UGT1A10: variants seen among roughly 807,000 people sequenced by gnomAD.
The protein encoded by UGT1A10 is UDP-glucuronosyltransferase 1A10.
A neutral mutation model predicts 45.8 loss-of-function variants in UGT1A10; 49 were observed. That is an observed-to-expected ratio of 1.07 (90% confidence interval 0.85 to 1.36). UGT1A10 has a LOEUF of 1.36. Ranked by LOEUF, UGT1A10 falls within the 40% of genes most tolerant of loss-of-function variation. UGT1A10 has a pLI of 0.00. For missense variants in UGT1A10, 745 were observed against 668.6 expected (o/e 1.11, Z -1.26); for synonymous variants, 284 against 249.7 (o/e 1.14, Z -1.29).
intron 1 of UGT1A10, among the ~76,000 whole-genome samples, chr2:233,683,661 A>G (rs956582405): frequency 3.3e-5 from 5 of 152,054 alleles, no homozygotes; most frequent in Admixed American, 1.3e-4. Context: ...AAAGTATTTC[A>G]TCTTTCTTAT....
Position 233,769,430 on chromosome 2 carries a change from C to A in UGT1A10, c.1295+991C>A. On this transcript the variant is annotated intron_variant, in intron 4 of 4. Transcript: ENST00000344644. This position sits in a 1 kb window ranked among gnomAD's most constrained non-coding sequence, Gnocchi z 4.4. ...GTGTGCGTTTGTGCATGTGGCTGTG[C>A]TCATGTGTGGGTGCACACGTGTGCA... 1 of 1,537,408 alleles carries A rather than the reference C, an allele frequency of 6.5e-7. No individual in the cohort carries two copies. Among genetic ancestry groups the A allele is most frequent in the Non-Finnish European group, 8.9e-7 (1 of 1,118,580 alleles).
chr2:233,673,935 G>A (rs1028296216), intron 1 of UGT1A10, among the ~76,000 whole-genome samples: 1 of 152,122 alleles, frequency 6.6e-6, no homozygotes, highest in African/African-American at 2.4e-5. Context: ...AAGCACTATT[G>A]AGTAATATTG....
At chr2:233,663,435 C>T (rs2074013734) in intron 1 of UGT1A10, among the ~76,000 whole-genome samples, 1 of 151,878 alleles carries the variant, frequency 6.6e-6, no homozygotes, top group African/African-American at 2.4e-5. Context: ...TGAATCAGTT[C>T]CTGGGTGGGG....
chr2:233,647,986 A>G (rs1439596581), intron 1 of UGT1A10: 2 of 1,607,674 alleles, frequency 1.2e-6, no homozygotes, highest in Non-Finnish European at 1.7e-6. Context: ...ACTCATTCTC[A>G]GGGGGCATGA....
At chr2:233,696,995 T>G (rs1443377070) in intron 1 of UGT1A10, among the ~76,000 whole-genome samples, 1 of 152,182 alleles carries the variant, frequency 6.6e-6, no homozygotes, top group Non-Finnish European at 1.5e-5. Flanking sequence ...TTCGTTGAGA[T>G]TTTTGCATCT....
At chr2:233,729,993 G>C in intron 1 of UGT1A10, 4 of 1,613,886 alleles carry the variant, frequency 2.5e-6, no homozygotes, top group Non-Finnish European at 3.4e-6. Context: ...CACTATCTCA[G>C]GTCTGTATTG....
chr2:233,760,162 T>C (rs967006180), intron 1 of UGT1A10: 7 of 1,514,606 alleles, frequency 4.6e-6, no homozygotes, highest in Admixed American at 4.0e-5. Flanking sequence ...CTGCTACCTT[T>C]GTGGACTGAC....
intron 1 of UGT1A10, among the ~76,000 whole-genome samples, chr2:233,711,012 A>C (rs2076158126): frequency 1.3e-5 from 2 of 152,180 alleles, no homozygotes; most frequent in African/African-American, 4.8e-5. Context: ...GCCTTTTTCT[A>C]TCTCTGAATT....
chr2:233,734,099 A>G (rs1454975810), intron 1 of UGT1A10, among the ~76,000 whole-genome samples: 11 of 151,694 alleles, frequency 7.3e-5, no homozygotes, highest in African/African-American at 2.7e-4. Flanking sequence ...TAAAACTTAA[A>G]GTATAATAAT....
intron 1 of UGT1A10, chr2:233,713,358 A>G (rs772185686): frequency 1.2e-5 from 19 of 1,614,040 alleles, no homozygotes; most frequent in Non-Finnish European, 1.4e-5. Flanking sequence ...TATGTCTTTG[A>G]TCATACATAG....
chr2:233,760,246 A>G lies in UGT1A10; in HGVS notation c.856-6788A>G. 2.5e-6 allele frequency: 4 copies of G among 1,608,942 alleles called. No individual in the cohort carries two copies. In the South Asian group the frequency reaches 3.3e-5, roughly 13 times the overall value. On this transcript the variant is annotated intron_variant, in intron 1 of 4. Coordinates refer to ENST00000344644, the MANE Select transcript of UGT1A10 (RefSeq NM_019075.4). ...ATTGGTTTTTGCCATATATATATAT[A>G]TAAGTAGGAGAGGGCGAACCTCTGG...
chr2:233,764,840 A>T (rs903559567), intron 1 of UGT1A10, among the ~76,000 whole-genome samples: 2 of 151,474 alleles, frequency 1.3e-5, no homozygotes, highest in African/African-American at 4.9e-5. Flanking sequence ...GGGGAGGATG[A>T]CTCTGTCCTC....
At chr2:233,642,988 C>G (rs1479166122) in intron 1 of UGT1A10, among the ~76,000 whole-genome samples, 6 of 152,200 alleles carry the variant, frequency 3.9e-5, no homozygotes. Flanking sequence ...TATGACTGTG[C>G]TGGATCAGAC....
chr2:233,743,650 G>A (rs556129739), intron 1 of UGT1A10: 20 of 1,367,276 alleles, frequency 1.5e-5, no homozygotes, highest in Admixed American at 1.9e-5. Context: ...AGCTGAAGAC[G>A]TACTCGAAGG....
chr2:233,692,317 A>G (rs1204507929), intron 1 of UGT1A10: 1 of 153,522 alleles, frequency 6.5e-6, no homozygotes, highest in Non-Finnish European at 1.4e-5. Context: ...TTTGTAATAA[A>G]CCAAACCTAG....
intron 1 of UGT1A10, among the ~76,000 whole-genome samples, chr2:233,645,109 A>T (rs1346450322): frequency 6.6e-6 from 1 of 152,210 alleles, no homozygotes; most frequent in Non-Finnish European, 1.5e-5. Flanking sequence ...ACAATCCCTT[A>T]CTGGCAATGC....
chr2:233,726,222 AT>A (rs1211816724), intron 1 of UGT1A10, among the ~76,000 whole-genome samples: 6 of 152,202 alleles, frequency 3.9e-5, no homozygotes, highest in Middle Eastern at 3.2e-3. Flanking sequence ...TTTAGAAAAC[AT>A]TTTTTAAAAC....
At chr2:233,703,318 C>T (rs2075732558) in intron 1 of UGT1A10, among the ~76,000 whole-genome samples, 1 of 147,010 alleles carries the variant, frequency 6.8e-6, no homozygotes, top group Non-Finnish European at 1.5e-5. Flanking sequence ...ATATTTTTAG[C>T]AATTTTGAGT....
At position 233,754,818 on chromosome 2, in the gene UGT1A10, T is replaced by C. The variant is rs536023413; in HGVS notation, c.856-12216T>C. The stretch of plus-strand genomic sequence containing the variant: ...TGTATCAAAAGAAGAAAAACCACCC[T>C]CAAAAGCTGGAAATTCACTGAAGGC... On this transcript the variant is annotated intron_variant, in intron 1 of 4. Transcript: ENST00000344644. 419 of 1,332,122 alleles carry C rather than the reference T, an allele frequency of 3.1e-4. 1 individual carries two copies. The highest frequency in any genetic ancestry group is 3.7e-4 in the Non-Finnish European group (370 of 994,872). The allele number at this position is 1,332,122 out of a possible 1,614,324, so 82.5% of individuals were successfully genotyped here.
Sources: allele counts gnomAD v4.1 joint callset (sites outside exome capture counted in the v4.1 genomes callset), GRCh38; gene constraint gnomAD v4.1.1; non-coding constraint Gnocchi (gnomAD v3.1); transcripts MANE v1.5; gene names NCBI Gene and HGNC (gene_info 2026-07-23, HGNC 2026-07-21).